DGKB: variants seen among roughly 807,000 people sequenced by gnomAD.
DGKB encodes the protein diacylglycerol kinase beta.
Under a neutral mutation model 114.3 loss-of-function variants are expected in DGKB, and 67 were observed. That is an observed-to-expected ratio of 0.59 (90% CI 0.48 to 0.72). The LOEUF (loss-of-function observed/expected upper bound fraction) is 0.72, where lower values mean the gene tolerates loss of function less well. Among genes scored for constraint, DGKB ranks in the 30% least tolerant of loss-of-function variants. The pLI is 0.00. For synonymous variants in DGKB, 398 were observed against 323.1 expected, an observed-to-expected ratio of 1.23 and a Z score of -2.49; for missense variants, 907 against 975.2, an observed-to-expected ratio of 0.93 and a Z score of 0.93.
At chr7:14,876,760 T>A (rs191528472) in intron 1 of DGKB, among the ~76,000 whole-genome samples, 1 of 152,214 alleles carries the variant, frequency 6.6e-6, no homozygotes, top group Admixed American at 6.5e-5. Flanking sequence ...CTCAAAATTC[T>A]ATATACCTCC....
intron 21 of DGKB, among the ~76,000 whole-genome samples, chr7:14,419,634 A>C (rs2128760843): frequency 6.6e-6 from 1 of 151,972 alleles, no homozygotes; most frequent in Middle Eastern, 3.4e-3. Flanking sequence ...TTGAAAAAAA[A>C]AAAAATGTTG....
intron 13 of DGKB, among the ~76,000 whole-genome samples, chr7:14,671,600 A>G (rs181820259): frequency 1.0e-3 from 152 of 152,282 alleles, no homozygotes; most frequent in African/African-American, 3.5e-3. Context: ...CTTATGTTTG[A>G]ATTTATATAA....
intron 1 of DGKB, among the ~76,000 whole-genome samples, chr7:14,845,864 G>A (rs1290996643): frequency 6.7e-6 from 1 of 148,336 alleles, no homozygotes; most frequent in African/African-American, 2.5e-5. Context: ...CAGGTACAAA[G>A]CTTTTACAGT....
At chr7:14,922,983 C>G (rs1784581602) in intron 1 of DGKB, among the ~76,000 whole-genome samples, 1 of 152,164 alleles carries the variant, frequency 6.6e-6, no homozygotes, top group Non-Finnish European at 1.5e-5. Context: ...ACTTTGTATT[C>G]TTTGATTAAC....
chr7:14,766,892 T>G (rs930363347), intron 2 of DGKB, among the ~76,000 whole-genome samples: 2 of 151,674 alleles, frequency 1.3e-5, no homozygotes, highest in Non-Finnish European at 2.9e-5. Context: ...TCAAGTTAAA[T>G]GAGGAGCAGA....
intron 1 of DGKB, among the ~76,000 whole-genome samples, chr7:14,847,404 G>C (rs1420206618): frequency 6.6e-6 from 1 of 152,016 alleles, no homozygotes. Context: ...GATGGGAAAG[G>C]ATGCAGAGCC....
chr7:14,656,751 T>TACACACAC (rs10623353), intron 13 of DGKB, among the ~76,000 whole-genome samples: 16 of 127,706 alleles, frequency 1.3e-4, no homozygotes, highest in East Asian at 9.7e-4. Context: ...ATATAGGATA[T>TACACACAC]ATACACACAC....
At chr7:14,309,139 C>T (rs1205422923) in intron 23 of DGKB, among the ~76,000 whole-genome samples, 1 of 152,008 alleles carries the variant, frequency 6.6e-6, no homozygotes, top group Non-Finnish European at 1.5e-5. Flanking sequence ...TTGCTTGATC[C>T]CAGGAGGTCC....
intron 23 of DGKB, among the ~76,000 whole-genome samples, chr7:14,268,735 A>G (rs754648481): frequency 6.6e-6 from 1 of 152,220 alleles, no homozygotes; most frequent in Non-Finnish European, 1.5e-5. Flanking sequence ...TAACTCCTAC[A>G]AAGCATAACT....
At chr7:14,306,840 A>G (rs1364978494) in intron 23 of DGKB, among the ~76,000 whole-genome samples, 1 of 152,200 alleles carries the variant, frequency 6.6e-6, no homozygotes, top group East Asian at 1.9e-4. Flanking sequence ...ATTTCATGCT[A>G]CGATGCTTTT....
intron 25 of DGKB, among the ~76,000 whole-genome samples, chr7:14,168,730 G>A (rs747608287): frequency 2.6e-4 from 40 of 152,180 alleles, no homozygotes; most frequent in Admixed American, 1.2e-3. Flanking sequence ...GCAGGCATGC[G>A]TAGCCGAAAT....
At chr7:14,324,188 C>T (rs1458243768) in intron 23 of DGKB, among the ~76,000 whole-genome samples, 1 of 152,068 alleles carries the variant, frequency 6.6e-6, no homozygotes, top group Non-Finnish European at 1.5e-5. Flanking sequence ...GTGGCTCATG[C>T]CTGTAATCCC....
chr7:14,695,498 T>TTTTTTTTTTTC (rs1823686612), intron 8 of DGKB, among the ~76,000 whole-genome samples: 1 of 117,768 alleles, frequency 8.5e-6, no homozygotes, highest in Non-Finnish European at 1.8e-5. Flanking sequence ...CTCTCTCTTT[T>TTTTTTTTTTTC]TTTTTTTTTT....
chr7:14,876,193 C>A (rs966789143), intron 1 of DGKB, among the ~76,000 whole-genome samples: 6 of 152,098 alleles, frequency 3.9e-5, no homozygotes, highest in African/African-American at 7.2e-5. Context: ...GGAGTTACTG[C>A]CTTTTTCTAT....
chr7:14,162,293 AAC>A (rs1784017259), intron 25 of DGKB, among the ~76,000 whole-genome samples: 1 of 152,188 alleles, frequency 6.6e-6, no homozygotes, highest in Non-Finnish European at 1.5e-5. Context: ...TTCTGATGAT[AAC>A]CATCAACTGG....
chr7:14,508,444 C>T (rs1787448370), intron 20 of DGKB, among the ~76,000 whole-genome samples: 1 of 152,180 alleles, frequency 6.6e-6, no homozygotes, highest in East Asian at 1.9e-4. Flanking sequence ...TGAAATGTCT[C>T]AAATTATTGC....
chr7:14,559,582 T>C (rs945681357), intron 20 of DGKB, among the ~76,000 whole-genome samples: 7 of 152,234 alleles, frequency 4.6e-5, no homozygotes, highest in East Asian at 1.9e-4. Context: ...GTTTATACTA[T>C]ACAATTTATT....
At chr7:14,698,893 A>G (rs1444613446) in intron 7 of DGKB, among the ~76,000 whole-genome samples, 1 of 152,182 alleles carries the variant, frequency 6.6e-6, no homozygotes, top group Non-Finnish European at 1.5e-5. Flanking sequence ...GTAATTTCAC[A>G]TGAAAACATT....
At position 14,718,698 on chromosome 7, in the gene DGKB, TTG is replaced by T; in HGVS notation, c.323-15_323-14del. The T allele has an allele frequency of 6.3e-7, 1 of 1,587,232 alleles. No homozygotes were observed. The highest frequency in any genetic ancestry group is 1.1e-5 in the South Asian group (1 of 87,092). On this transcript the variant is annotated splice_polypyrimidine_tract_variant and intron_variant, in intron 5 of 25. Transcript: ENST00000402815. ...TTCATTCTCAGACCTGGAAAAAAAA[TTG>T]TCTTTATATTTTGTTAATTATTTAC... is the stretch of plus-strand genomic sequence containing the variant.
Sources: allele counts gnomAD v4.1 joint callset (sites outside exome capture counted in the v4.1 genomes callset), GRCh38; gene constraint gnomAD v4.1.1; transcripts MANE v1.5; gene names NCBI Gene and HGNC (gene_info 2026-07-23, HGNC 2026-07-21).